TENT5D: variants seen among roughly 807,000 people sequenced by gnomAD.
The protein encoded by TENT5D is cancer/testis antigen 112.
For missense variants in TENT5D, 191 were observed against 287.0 expected (o/e 0.67, Z 2.42); for synonymous variants, 103 against 100.6 (o/e 1.02, Z -0.15).
Position 80,427,836 on chromosome X carries a change from C to T in TENT5D, c.-142+7273C>T, listed in dbSNP as rs184967357. Among the ~76,000 whole-genome samples the T allele has an allele frequency of 2.3e-4, 26 of 111,866 alleles. No homozygotes were observed. The East Asian group carries it at 5.6e-3, about 24-fold the overall frequency. On this transcript the variant is annotated intron_variant, in intron 1 of 2. Coordinates refer to ENST00000308293, the Ensembl canonical transcript of TENT5D. The stretch of plus-strand genomic sequence containing the variant: ...CAAAATGGGATTTGTGGTGACTTTT[C>T]GGTTTTCTCAAGGAGTCCTGGGTTA...
intron 3 of TENT5D, among the ~76,000 whole-genome samples, chrX:80,380,877 A>G (rs929735653): frequency 9.0e-6 from 1 of 111,416 alleles, no homozygotes; most frequent in African/African-American, 3.3e-5. Context: ...GGGTCTCCTG[A>G]ATACAGCACA....
chrX:80,382,037 C>G (rs1039537704), intron 3 of TENT5D, among the ~76,000 whole-genome samples: 1 of 112,049 alleles, frequency 8.9e-6, no homozygotes, highest in African/African-American at 3.2e-5. Context: ...TAGAGGTGCT[C>G]TGGTTTTTAG....
rs191371482 is a variant in TENT5D at position 80,426,095 on chromosome X, C to T, written c.-142+5532C>T. On this transcript the variant is annotated intron_variant, in intron 1 of 2. Coordinates refer to ENST00000308293, the Ensembl canonical transcript of TENT5D. ...TGAAGAAGATTAAACATTACTTTGG[C>T]AATTCCATGTATTTAAACATCTTTA... Among the ~76,000 whole-genome samples the T allele has an allele frequency of 4.5e-5, 5 of 110,836 alleles. No individual in the cohort carries two copies. The East Asian group carries it at 1.4e-3, about 31-fold the overall frequency.
chrX:80,382,875 C>T (rs1033662458), intron 3 of TENT5D, among the ~76,000 whole-genome samples: 3 of 112,163 alleles, frequency 2.7e-5, no homozygotes, highest in Non-Finnish European at 3.8e-5. Context: ...GCAGGAGTGT[C>T]GCAATTTTCC....
intron 3 of TENT5D, among the ~76,000 whole-genome samples, chrX:80,385,768 G>A (rs891630641): frequency 8.9e-6 from 1 of 112,226 alleles, no homozygotes; most frequent in African/African-American, 3.2e-5. Flanking sequence ...TGAAGGATAT[G>A]AACAGACACT....
At chrX:80,403,906 A>G (rs1300058871) in intron 3 of TENT5D, among the ~76,000 whole-genome samples, 3 of 112,157 alleles carry the variant, frequency 2.7e-5, no homozygotes, top group African/African-American at 9.7e-5. Flanking sequence ...CAAGGTGGTC[A>G]GGGTACAGTT....
intron 2 of TENT5D, among the ~76,000 whole-genome samples, chrX:80,336,028 A>G (rs1475890862): frequency 9.0e-6 from 1 of 110,698 alleles, no homozygotes; most frequent in Non-Finnish European, 1.9e-5. Context: ...CAAAGTTATT[A>G]GACACTATGG....
upstream of TENT5D, among the ~76,000 whole-genome samples, chrX:80,419,036 A>G (rs930967560): frequency 9.0e-6 from 1 of 111,439 alleles, no homozygotes; most frequent in Non-Finnish European, 1.9e-5. Flanking sequence ...ATTTTTTTCA[A>G]TGGGATCATA....
chrX:80,349,951 T>C (rs1930143294), intron 3 of TENT5D, among the ~76,000 whole-genome samples: 1 of 111,727 alleles, frequency 9.0e-6, no homozygotes, highest in African/African-American at 3.3e-5. Flanking sequence ...TTCCATGTAG[T>C]TGTGCAGTTT....
At chrX:80,373,484 T>C (rs916673648) in intron 3 of TENT5D, among the ~76,000 whole-genome samples, 6 of 111,658 alleles carry the variant, frequency 5.4e-5, no homozygotes, top group African/African-American at 2.0e-4. Flanking sequence ...GAGGCCATTG[T>C]AGGGTTATTA....
chrX:80,377,849 C>G (rs1930766865), intron 3 of TENT5D, among the ~76,000 whole-genome samples: 2 of 111,948 alleles, frequency 1.8e-5, no homozygotes, highest in South Asian at 3.7e-4. Flanking sequence ...TACACTCCCA[C>G]CAACAGTGTA....
At position 80,384,733 on chromosome X, in the gene TENT5D, G is replaced by A. The variant is rs768160190; in HGVS notation, c.-142+42169G>A. Among the ~76,000 whole-genome samples the A allele has an allele frequency of 4.7e-5, 5 of 105,702 alleles. No individual in the cohort carries two copies. In the South Asian group the frequency reaches 2.3e-3, roughly 48 times the overall value. The allele number at this position is 105,702 out of a possible 115,157, so 91.8% of individuals were successfully genotyped here. On this transcript the variant is annotated intron_variant, in intron 3 of 4. Transcript: ENST00000538312. Reference sequence around the variant, plus strand: ...ATAAGCAGCTTCAGCAAAGTCTCAGGATACAAAGTCAATGTGCAAAAATCA... The same window carrying A: ...ATAAGCAGCTTCAGCAAAGTCTCAGAATACAAAGTCAATGTGCAAAAATCA...
At chrX:80,374,753 G>C (rs1056588752) in intron 3 of TENT5D, among the ~76,000 whole-genome samples, 1 of 111,404 alleles carries the variant, frequency 9.0e-6, no homozygotes, top group Non-Finnish European at 1.9e-5. Context: ...CTAACATATA[G>C]ATATAGAGGT....
intron 3 of TENT5D, among the ~76,000 whole-genome samples, chrX:80,352,455 G>A (rs148905200): frequency 2.0e-3 from 216 of 110,664 alleles, no homozygotes; most frequent in Middle Eastern, 4.7e-3. Context: ...CCTTTTTAGC[G>A]CTGTCGGGGG....
chrX:80,435,997 T>C (rs1378329081), intron 1 of TENT5D, among the ~76,000 whole-genome samples: 1 of 111,971 alleles, frequency 8.9e-6, no homozygotes, highest in Admixed American at 9.5e-5. Context: ...CAACTAGGAA[T>C]CTTCATTTAA....
Position 80,400,618 on chromosome X carries a change from C to A in TENT5D, c.-141-37992C>A, listed in dbSNP as rs1931373248. 1.8e-5 allele frequency among the ~76,000 whole-genome samples: 2 copies of A among 112,137 alleles called. 1 individual carries two copies. Among genetic ancestry groups the A allele is most frequent in the South Asian group, 7.4e-4 (2 of 2,688 alleles). ...ACTGAAAATGCACTAATCTGTTCCC[C>A]CGAATTCAGCTTTCAGGATTTCAGC... On this transcript the variant is annotated intron_variant, in intron 3 of 4. Transcript: ENST00000538312.
chrX:80,413,525 A>C (rs1257825742), intron 3 of TENT5D, among the ~76,000 whole-genome samples: 2 of 111,251 alleles, frequency 1.8e-5, no homozygotes, highest in Non-Finnish European at 3.8e-5. Flanking sequence ...ACCCAGGGGG[A>C]GGTAATTGAA....
intron 3 of TENT5D, among the ~76,000 whole-genome samples, chrX:80,351,342 C>T: frequency 9.2e-6 from 1 of 108,496 alleles, no homozygotes; most frequent in African/African-American, 3.4e-5. Context: ...TTGTTCATTC[C>T]GTTTCAATGT....
At chrX:80,431,485 C>A (rs748941000) in intron 1 of TENT5D, among the ~76,000 whole-genome samples, 27 of 111,685 alleles carry the variant, frequency 2.4e-4, no homozygotes, top group African/African-American at 8.8e-4. Flanking sequence ...TTAAAGTATG[C>A]CTCCCAGCAG....
Sources: gnomAD v4.1 joint callset for allele counts (sites outside exome capture counted in the v4.1 genomes callset) on GRCh38, gnomAD v4.1.1 for gene constraint, MANE v1.5 for transcripts, NCBI Gene and HGNC (gene_info 2026-07-23, HGNC 2026-07-21) for gene names.